Variants in PIBF1 observed in about 807,000 individuals in gnomAD.
The protein encoded by PIBF1 is progesterone-induced-blocking factor 1.
Under a neutral mutation model 112.5 loss-of-function variants are expected in PIBF1, and 90 were observed. The ratio of observed to expected loss-of-function variants is 0.80; its 90% CI spans 0.67 to 0.95. The LOEUF is 0.95. PIBF1 is among the 40% of genes least tolerant of loss of function. PIBF1 has a pLI of 0.00. For missense variants in PIBF1, 915 were observed against 852.3 expected, an observed-to-expected ratio of 1.07 and a Z score of -0.92; for synonymous variants, 301 against 288.6, an observed-to-expected ratio of 1.04 and a Z score of -0.44.
At chr13:72,985,138 A>G (rs562746965) in intron 16 of PIBF1, among the ~76,000 whole-genome samples, 3 of 152,256 alleles carry the variant, frequency 2.0e-5, no homozygotes, top group East Asian at 1.9e-4. Flanking sequence ...GTAGCAGCTT[A>G]TAACAAACCA....
intron 10 of PIBF1, among the ~76,000 whole-genome samples, chr13:72,890,384 T>C (rs1267518807): frequency 2.0e-5 from 3 of 152,128 alleles, no homozygotes; most frequent in African/African-American, 7.2e-5. Flanking sequence ...TTTTTCTCCC[T>C]GTACTTCCAA....
chr13:72,973,567 T>G (rs2042951006), intron 15 of PIBF1, 24 bp from the exon 16 acceptor site: 1 of 1,313,100 alleles, frequency 7.6e-7, no homozygotes, highest in African/African-American at 1.5e-5. Context: ...AATGACTTTT[T>G]AAAACTGGGG....
At chr13:72,797,269 T>A (rs985110993) in intron 4 of PIBF1, among the ~76,000 whole-genome samples, 1 of 152,270 alleles carries the variant, frequency 6.6e-6, no homozygotes, top group South Asian at 2.1e-4. Flanking sequence ...ATTGAGTGCT[T>A]ATCATATATT....
intron 15 of PIBF1, among the ~76,000 whole-genome samples, chr13:72,971,681 C>T (rs1324075999): frequency 2.0e-5 from 3 of 151,942 alleles, no homozygotes; most frequent in African/African-American, 7.3e-5. Context: ...TCACATAGTC[C>T]TTTGACATAC....
intron 5 of PIBF1, among the ~76,000 whole-genome samples, chr13:72,799,253 T>A (rs1213685480): frequency 6.6e-6 from 1 of 152,246 alleles, no homozygotes; most frequent in Non-Finnish European, 1.5e-5. Flanking sequence ...AACATTTATG[T>A]CCTATTTTAA....
chr13:72,968,955 G>T (rs988342593), intron 15 of PIBF1, among the ~76,000 whole-genome samples: 1 of 151,882 alleles, frequency 6.6e-6, no homozygotes, highest in Non-Finnish European at 1.5e-5. Context: ...GTGGGAGGAT[G>T]AGTTGAGCCT....
At chr13:72,802,427 A>G (rs2035530401) in intron 5 of PIBF1, among the ~76,000 whole-genome samples, 1 of 152,136 alleles carries the variant, frequency 6.6e-6, no homozygotes, top group South Asian at 2.1e-4. Flanking sequence ...TAGGGGAGAG[A>G]TTATTGTGTT....
intron 8 of PIBF1, among the ~76,000 whole-genome samples, chr13:72,830,108 T>A (rs774745485): frequency 2.6e-5 from 4 of 152,198 alleles, no homozygotes; most frequent in Non-Finnish European, 5.9e-5. Context: ...ATGCTTGTGA[T>A]TTTTGCACAT....
chr13:72,844,972 T>A (rs889416394), intron 9 of PIBF1, among the ~76,000 whole-genome samples: 82 of 151,994 alleles, frequency 5.4e-4, no homozygotes, highest in African/African-American at 1.9e-3. Flanking sequence ...CTTTTCTTTT[T>A]TATTTTATTT....
At chr13:72,989,113 A>G (rs1407191890) in intron 16 of PIBF1, among the ~76,000 whole-genome samples, 1 of 152,216 alleles carries the variant, frequency 6.6e-6, no homozygotes, top group Non-Finnish European at 1.5e-5. Context: ...TGGTAAGGAA[A>G]TAGATAAAAC....
At chr13:72,800,027 A>G (rs1311347598) in intron 5 of PIBF1, among the ~76,000 whole-genome samples, 2 of 152,222 alleles carry the variant, frequency 1.3e-5, no homozygotes, top group African/African-American at 2.4e-5. Flanking sequence ...CAAAACCAAT[A>G]TCATTAAACA....
intron 1 of PIBF1, among the ~76,000 whole-genome samples, 181 bp downstream of exon 1, chr13:72,782,530 A>ACT (rs2034325709): frequency 6.6e-6 from 1 of 152,174 alleles, no homozygotes; most frequent in African/African-American, 2.4e-5. Flanking sequence ...TTCAAAAAGA[A>ACT]GGAGGGAGGC....
intron 16 of PIBF1, among the ~76,000 whole-genome samples, chr13:72,997,696 A>G (rs2043724515): frequency 6.6e-6 from 1 of 152,226 alleles, no homozygotes; most frequent in South Asian, 2.1e-4. Flanking sequence ...AGAGCAGAAC[A>G]TTGTTCTATC....
intron 16 of PIBF1, among the ~76,000 whole-genome samples, chr13:72,994,112 C>CA (rs780677499): frequency 2.5e-4 from 25 of 100,282 alleles, no homozygotes; most frequent in African/African-American, 1.1e-3. Flanking sequence ...GAACCTGTCT[C>CA]AAAAAAAAAA....
rs1319058468 is a variant in PIBF1, at chr13:72,836,077, C to T, written c.1223+709C>T. On this transcript the variant is annotated intron_variant, in intron 9 of 17. Transcript: ENST00000326291. ...TCGCACCACTACACTCCAGCCTTGGCGAAAGTGCGAGACACCATCTCAAAA... is the reference window on the plus strand; with the variant it reads ...TCGCACCACTACACTCCAGCCTTGGTGAAAGTGCGAGACACCATCTCAAAA... 13 of 441,034 alleles carry T rather than the reference C, an allele frequency of 2.9e-5. 1 individual carries two copies. Among genetic ancestry groups the T allele is most frequent in the African/African-American group, 1.1e-4 (5 of 46,772 alleles). The allele number at this position is 441,034 out of a possible 1,614,324, so 27.3% of individuals were successfully genotyped here.
At chr13:73,002,840 C>G (rs9543198) in intron 17 of PIBF1, among the ~76,000 whole-genome samples, 33,862 of 151,718 alleles carry the variant, frequency 0.22, 4,158 homozygotes, top group Non-Finnish European at 0.28. Flanking sequence ...CAAAATTATT[C>G]AGGTGTGGTG....
rs200267086 is a variant in PIBF1 at position 72,865,247 on chromosome 13, A to G, written c.1322+11092A>G. Among the ~76,000 whole-genome samples the G allele has an allele frequency of 5.9e-5, 9 of 152,226 alleles. No individual in the cohort carries two copies. In the East Asian group the frequency reaches 7.7e-4, roughly 13 times the overall value. ...ATGCCTAGCATTGTTTAACTGTTCT[A>G]TACGTATTAGCTATTTTAATGCCTG... On this transcript the variant is annotated intron_variant, in intron 10 of 17. Transcript: ENST00000326291.
At position 72,965,414 on chromosome 13, in the gene PIBF1, C is replaced by T. The variant is rs370924853; in HGVS notation, c.1964+10C>T. 18 of 1,591,464 alleles carry T rather than the reference C, an allele frequency of 1.1e-5. No individual in the cohort carries two copies. The African/African-American group carries it at 2.4e-4, about 22-fold the overall frequency. On this transcript the variant is annotated intron_variant, in intron 15 of 17. Transcript: ENST00000326291. ...TTGAGAAAGATGTCAGGTAAACCAT[C>T]TACAAATCTTTTATTTGAATAATAA... is the stretch of plus-strand genomic sequence containing the variant.
At chr13:72,936,662 A>G (rs1283740941) in intron 14 of PIBF1, among the ~76,000 whole-genome samples, 2 of 152,194 alleles carry the variant, frequency 1.3e-5, no homozygotes, top group East Asian at 3.8e-4. Flanking sequence ...CTTTATGTCA[A>G]TACCACACTA....
Sources: allele counts gnomAD v4.1 joint callset (sites outside exome capture counted in the v4.1 genomes callset), GRCh38; gene constraint gnomAD v4.1.1; transcripts MANE v1.5; gene names NCBI Gene and HGNC (gene_info 2026-07-23, HGNC 2026-07-21).